The following ANK3 variants were observed in gnomAD, a reference collection of about 807,000 sequenced individuals.
The protein encoded by ANK3 is ankyrin-3.
Under a neutral mutation model 370.9 loss-of-function variants are expected in ANK3, and 57 were observed. That is an observed-to-expected ratio of 0.15 (90% confidence interval 0.12 to 0.19). ANK3 has a LOEUF of 0.19. Ranked by LOEUF, ANK3 falls within the 10% of genes least tolerant of loss-of-function variation. The probability of loss-of-function intolerance (pLI) is 1.00; values close to 1 mark genes in which losing one functional copy is unlikely to be tolerated. For synonymous variants in ANK3, 1,929 were observed against 1,946.3 expected (o/e 0.99, Z 0.23); for missense variants, 4,439 against 5,302.1 (o/e 0.84, Z 5.06).
intron 2 of ANK3, among the ~76,000 whole-genome samples, chr10:60,492,930 A>C (rs1595139959): frequency 1.4e-5 from 2 of 144,920 alleles, no homozygotes; most frequent in East Asian, 4.0e-4. Context: ...CAAAAAAAAA[A>C]TTAGCCGGGT....
intron 1 of ANK3, among the ~76,000 whole-genome samples, chr10:60,280,709 G>A (rs1429961597): frequency 6.6e-6 from 1 of 152,160 alleles, no homozygotes; most frequent in Non-Finnish European, 1.5e-5. Context: ...AAAACATCTT[G>A]TCACCAGTTA....
intron 1 of ANK3, among the ~76,000 whole-genome samples, chr10:60,690,520 GAAAACTT>G (rs1223318764): frequency 2.6e-5 from 4 of 151,826 alleles, no homozygotes; most frequent in Admixed American, 6.6e-5. Flanking sequence ...CTAAGTTTTA[GAAAACTT>G]AAAACTTAAT....
chr10:60,394,692 C>A (rs1211933635), upstream of ANK3, among the ~76,000 whole-genome samples: 1 of 152,170 alleles, frequency 6.6e-6, no homozygotes, highest in Non-Finnish European at 1.5e-5. Context: ...GTCTGTTTAA[C>A]CCAAAGGAGT....
intron 5 of ANK3, among the ~76,000 whole-genome samples, chr10:60,264,271 A>G (rs900565003): frequency 1.4e-4 from 22 of 152,174 alleles, no homozygotes; most frequent in African/African-American, 5.3e-4. Flanking sequence ...AAAAATTAAT[A>G]TACATTAATT....
chr10:60,651,952 A>G (rs2078794258), intron 1 of ANK3, among the ~76,000 whole-genome samples: 1 of 152,228 alleles, frequency 6.6e-6, no homozygotes, highest in South Asian at 2.1e-4. Flanking sequence ...AATCTTATAA[A>G]ATATAATTTT....
intron 2 of ANK3, among the ~76,000 whole-genome samples, chr10:60,537,237 T>C (rs2076745247): frequency 6.6e-6 from 1 of 152,060 alleles, no homozygotes. Context: ...AATGCCTTTG[T>C]TATAGCTACT....
chr10:60,482,365 C>T (rs917271510), intron 2 of ANK3, among the ~76,000 whole-genome samples: 5 of 152,198 alleles, frequency 3.3e-5, no homozygotes, highest in Non-Finnish European at 1.5e-5. Context: ...TCTCCTAATT[C>T]CCAAACCAAA....
At chr10:60,369,911 A>G (rs2059882441) in intron 1 of ANK3, among the ~76,000 whole-genome samples, 1 of 152,192 alleles carries the variant, frequency 6.6e-6, no homozygotes, top group Non-Finnish European at 1.5e-5. Context: ...ACAAACTACA[A>G]GAAGAGTTAG....
At chr10:60,420,037 A>G (rs2063746283) in intron 2 of ANK3, among the ~76,000 whole-genome samples, 1 of 152,064 alleles carries the variant, frequency 6.6e-6, no homozygotes, top group South Asian at 2.1e-4. Flanking sequence ...TCTCCAAATA[A>G]CAAGTCCACT....
At chr10:60,608,948 CT>C (rs2078165387) in intron 2 of ANK3, among the ~76,000 whole-genome samples, 1 of 152,100 alleles carries the variant, frequency 6.6e-6, no homozygotes, top group South Asian at 2.1e-4. Flanking sequence ...TACTGCTTTA[CT>C]ATTATACTTT....
At chr10:60,598,024 T>C (rs549418207) in intron 2 of ANK3, among the ~76,000 whole-genome samples, 5 of 152,342 alleles carry the variant, frequency 3.3e-5, no homozygotes, top group East Asian at 3.9e-4. Context: ...GAGTTAATTA[T>C]ATTCCTAAAA....
chr10:60,558,657 CCTAT>C (rs1351902170), intron 2 of ANK3, among the ~76,000 whole-genome samples: 4 of 152,144 alleles, frequency 2.6e-5, no homozygotes, highest in South Asian at 2.1e-4. Flanking sequence ...TAATCCAAAT[CCTAT>C]CTAACATGTA....
At chr10:60,586,972 C>T (rs1327908330) in intron 2 of ANK3, among the ~76,000 whole-genome samples, 1 of 152,118 alleles carries the variant, frequency 6.6e-6, no homozygotes, top group African/African-American at 2.4e-5. Context: ...CATTTTCAAA[C>T]TGCTATACAG....
intron 2 of ANK3, among the ~76,000 whole-genome samples, chr10:60,565,141 A>T (rs2077427676): frequency 6.6e-6 from 1 of 152,084 alleles, no homozygotes; most frequent in Admixed American, 6.6e-5. Flanking sequence ...AATAGTTGGG[A>T]TGTTTTCCTG....
chr10:60,705,764 C>G (rs1428267974), intron 1 of ANK3, among the ~76,000 whole-genome samples: 2 of 151,622 alleles, frequency 1.3e-5, no homozygotes, highest in Non-Finnish European at 2.9e-5. Context: ...AGTGATTTAA[C>G]CTTGGGTATC....
chr10:60,697,101 C>T (rs1286684299), intron 1 of ANK3, among the ~76,000 whole-genome samples: 3 of 151,780 alleles, frequency 2.0e-5, no homozygotes, highest in South Asian at 2.1e-4. Context: ...CATTCTTATA[C>T]ACCAACAACA....
At chr10:60,393,690 T>G (rs1453051261), upstream of ANK3, among the ~76,000 whole-genome samples, 1 of 152,188 alleles carries the variant, frequency 6.6e-6, no homozygotes, top group African/African-American at 2.4e-5. Flanking sequence ...GCTCTAAATA[T>G]TAATTCAGCC....
At chr10:60,300,386 C>T in intron 1 of ANK3, 1 of 1,289,718 alleles carries the variant, frequency 7.8e-7, no homozygotes, top group South Asian at 1.2e-5. Flanking sequence ...CCTGATAACT[C>T]AATTAGTTAA....
intron 17 of ANK3, among the ~76,000 whole-genome samples, chr10:60,183,011 G>T (rs1193676593): frequency 6.6e-6 from 1 of 152,122 alleles, no homozygotes; most frequent in Non-Finnish European, 1.5e-5. Context: ...GACACTGAGG[G>T]TACCTTACTG....
Sources: allele counts gnomAD v4.1 joint callset (sites outside exome capture counted in the v4.1 genomes callset), GRCh38; gene constraint gnomAD v4.1.1; transcripts MANE v1.5; gene names NCBI Gene and HGNC (gene_info 2026-07-23, HGNC 2026-07-21).